NPEPL1: variants seen among roughly 807,000 people sequenced by gnomAD.
NPEPL1 encodes probable aminopeptidase NPEPL1.
Under a neutral mutation model 52.4 loss-of-function variants are expected in NPEPL1, and 45 were observed. The observed-to-expected ratio is 0.86, with a 90% CI of 0.68 to 1.10. NPEPL1 has a LOEUF of 1.10. Ranked by LOEUF, NPEPL1 falls within the 50% of genes least tolerant of loss-of-function variation. The pLI is 0.00. For missense variants in NPEPL1, 696 were observed against 710.9 expected, an observed-to-expected ratio of 0.98 and a Z score of 0.24; for synonymous variants, 360 against 314.7, an observed-to-expected ratio of 1.14 and a Z score of -1.52.
At chr20:58,703,542 T>C in intron 6 of NPEPL1, 3 of 985,212 alleles carry the variant, frequency 3.0e-6, no homozygotes, top group Non-Finnish European at 3.6e-6. Flanking sequence ...GACCCTCTTC[T>C]CCTTGGATCA....
intron 7 of NPEPL1, among the ~76,000 whole-genome samples, chr20:58,708,860 C>T (rs867300726): frequency 2.0e-5 from 3 of 151,896 alleles, no homozygotes; most frequent in East Asian, 1.9e-4. Context: ...TGGGGTGGCA[C>T]GGGGGCAGGG....
rs373304079 is a variant in NPEPL1, at chr20:58,697,577, G to A, written c.508-1107G>A. Among the ~76,000 whole-genome samples the A allele has an allele frequency of 9.8e-5, 15 of 152,360 alleles. No homozygotes were observed. The South Asian group carries it at 3.1e-3, about 32-fold the overall frequency. On this transcript the variant is annotated intron_variant, in intron 3 of 11. Transcript: ENST00000356091. ...GGCGCCTGCTGCCCTGACATTATGAGACTAGAGGCAGGGATGATAAACTTG... is the reference window on the plus strand; with the variant it reads ...GGCGCCTGCTGCCCTGACATTATGAAACTAGAGGCAGGGATGATAAACTTG...
intron 7 of NPEPL1, among the ~76,000 whole-genome samples, chr20:58,708,944 C>T (rs548855215): frequency 1.3e-5 from 2 of 152,250 alleles, no homozygotes; most frequent in Admixed American, 6.5e-5. Flanking sequence ...CCTGGTTACT[C>T]CTCCAACAGA....
intron 3 of NPEPL1, among the ~76,000 whole-genome samples, chr20:58,695,048 GTT>G: frequency 2.8e-5 from 1 of 35,288 alleles, no homozygotes; most frequent in Non-Finnish European, 6.1e-5. Flanking sequence ...TGCTGTGTAT[GTT>G]TGCTGGTGTG....
intron 3 of NPEPL1, 90 bp downstream of exon 3, chr20:58,694,682 G>A (rs1012697349): frequency 8.4e-6 from 11 of 1,312,056 alleles, no homozygotes; most frequent in East Asian, 8.0e-5. Context: ...AGCTTGTTGC[G>A]GGGGCAGGAG....
chr20:58,710,172 T>C lies in NPEPL1; in HGVS notation c.901-2307T>C, dbSNP rs532196422. Among the ~76,000 whole-genome samples, 3 of 151,682 alleles carry C rather than the reference T, an allele frequency of 2.0e-5. No homozygotes were observed. The East Asian group carries it at 5.8e-4, about 30-fold the overall frequency. On this transcript the variant is annotated intron_variant, in intron 7 of 11. Transcript: ENST00000356091. ...GCCTCAGCCTCCAGAGTAGCTGAGATTACAGGCATGTGCCACCACCCTTGG... is the reference window on the plus strand; with the variant it reads ...GCCTCAGCCTCCAGAGTAGCTGAGACTACAGGCATGTGCCACCACCCTTGG...
In NPEPL1 at chr20:58,713,988, G is replaced by C. The variant is rs1470951849; in HGVS notation, c.1197G>C (p.Lys399Asn). 1 of 1,524,356 alleles carries C rather than the reference G, an allele frequency of 6.6e-7. No individual in the cohort carries two copies. The highest frequency in any genetic ancestry group is 2.3e-5 in the Admixed American group (1 of 42,914). 94.4% of individuals were successfully genotyped at this position (1,524,356 alleles called of 1,614,324 possible). The change falls in exon 10 of 12, where the codon AAG becomes AAC. Residue 399 changes from lysine to asparagine, a missense_variant. Physicochemically the swap from Lys to Asn is moderately conservative, Grantham distance 94. Coordinates refer to ENST00000356091, the MANE Select transcript of NPEPL1 (RefSeq NM_024663.4). The surrounding 1 kb of genome is among the most constrained non-coding windows in gnomAD (Gnocchi z 4.6). ...NSAEWEAACV[K>N]AGRKCGDLVH... Reference sequence around the variant, plus strand: ...CTGAGTGGGAGGCCGCCTGTGTGAAGGCGGGCAGGAAGTGTGGGGACCTGG... The same window carrying C: ...CTGAGTGGGAGGCCGCCTGTGTGAACGCGGGCAGGAAGTGTGGGGACCTGG...
At chr20:58,695,214 A>T (rs377393167) in intron 3 of NPEPL1, among the ~76,000 whole-genome samples, 1 of 1,254 alleles carries the variant, frequency 8.0e-4, no homozygotes, top group African/African-American at 3.4e-3. Flanking sequence ...TGTGTGCATG[A>T]GCAGCATGTG....
chr20:58,715,129 C>T (rs369021460), intron 11 of NPEPL1, 39 bp from the exon 12 acceptor site: 1 of 1,566,002 alleles, frequency 6.4e-7, no homozygotes, highest in East Asian at 2.3e-5. Flanking sequence ...TGTGCTGCAG[C>T]CCCACGCCCA....
intron 6 of NPEPL1, among the ~76,000 whole-genome samples, chr20:58,705,106 A>G (rs765992847): frequency 3.9e-5 from 6 of 152,240 alleles, no homozygotes; most frequent in Non-Finnish European, 8.8e-5. Flanking sequence ...GTTTTTCAAA[A>G]TTCTGATTTT....
intron 6 of NPEPL1, among the ~76,000 whole-genome samples, chr20:58,702,547 A>G (rs2084653789): frequency 6.6e-6 from 1 of 152,158 alleles, no homozygotes; most frequent in African/African-American, 2.4e-5. Flanking sequence ...TTTTTTTTTA[A>G]TAGAAAAAAC....
At chr20:58,700,870 G>A in intron 5 of NPEPL1, 146 bp from the exon 6 acceptor site, 1 of 714,522 alleles carries the variant, frequency 1.4e-6, no homozygotes, top group Non-Finnish European at 2.1e-6. Context: ...CACTGGCCAG[G>A]GGCAGGAGAA....
At chr20:58,701,192 G>A in intron 6 of NPEPL1, 34 bp downstream of exon 6, 1 of 1,455,872 alleles carries the variant, frequency 6.9e-7, no homozygotes, top group Admixed American at 2.3e-5. Flanking sequence ...GGTGCCCTGG[G>A]GGAGGGGAGG....
In NPEPL1 at chr20:58,698,730, T is replaced by A. The variant is rs1203382467; in HGVS notation, c.554T>A (p.Val185Glu). Residue 185 changes from valine (V) to glutamate (E), a missense_variant, in exon 4 of 12, where the codon GTG becomes GAG. Coordinates refer to ENST00000356091, the MANE Select transcript of NPEPL1 (RefSeq NM_024663.4). ...GGCGTGCGGCTAGCAGCCCGCATCGTGGACACACCCTGCAATGAGATGAAC... is the reference window on the plus strand; with the variant it reads ...GGCGTGCGGCTAGCAGCCCGCATCGAGGACACACCCTGCAATGAGATGAAC... ...TDGVRLAARIVDTPCNEMNTD... is the reference protein window; with the variant it reads ...TDGVRLAARIEDTPCNEMNTD... 1 of 1,612,970 alleles carries A rather than the reference T, an allele frequency of 6.2e-7. No homozygotes were observed.
chr20:58,705,278 C>T (rs563307821), intron 6 of NPEPL1, among the ~76,000 whole-genome samples: 7 of 152,230 alleles, frequency 4.6e-5, no homozygotes, highest in African/African-American at 9.6e-5. Flanking sequence ...AAGATGGTGT[C>T]GTGGCCAGAG....
At chr20:58,699,422 G>T (rs2084564667) in intron 5 of NPEPL1, 144 bp downstream of exon 5, 1 of 668,436 alleles carries the variant, frequency 1.5e-6, no homozygotes. Context: ...CTGTGTCCAA[G>T]CCCAGTGCCG....
intron 5 of NPEPL1, 94 bp from the exon 6 acceptor site, chr20:58,700,922 G>GAAAC (rs2084601803): frequency 3.1e-6 from 4 of 1,297,952 alleles, no homozygotes; most frequent in Non-Finnish European, 4.0e-6. Flanking sequence ...CTCTCCAGGA[G>GAAAC]AAACACCAGC....
Position 58,713,394 on chromosome 20 carries a change from G to A in NPEPL1, c.1002-26G>A. ...CAGTGTCCCAGGAAATCCCGTCCCT[G>A]AGCGGGGATCTCTACCATGCCCCAG... On this transcript the variant is annotated intron_variant, in intron 8 of 11. Transcript: ENST00000356091. This position sits in a 1 kb window ranked among gnomAD's most constrained non-coding sequence, Gnocchi z 4.6. The A allele has an allele frequency of 1.3e-6, 2 of 1,574,542 alleles. No homozygotes were observed. Among genetic ancestry groups the A allele is most frequent in the Admixed American group, 1.8e-5 (1 of 56,002 alleles).
In NPEPL1 at chr20:58,698,691, C is replaced by T. The variant is rs372418804; in HGVS notation, c.515C>T (p.Ala172Val). 24 of 1,612,388 alleles carry T rather than the reference C, an allele frequency of 1.5e-5. No homozygotes were observed. The highest frequency in any genetic ancestry group is 6.7e-5 in the East Asian group (3 of 44,882). Residue 172 changes from alanine (A) to valine (V), a missense_variant, in exon 4 of 12, where the codon GCG becomes GTG. Physicochemically the swap from Ala to Val is moderately conservative, Grantham distance 64. Coordinates refer to ENST00000356091, the MANE Select transcript of NPEPL1 (RefSeq NM_024663.4). ...PVEVSTLQCL[A>V]NATDGVRLAA... is the part of the protein sequence containing the mutation. ...TGGCCTTTTTCTCCCTAGTGCTTAG[C>T]GAATGCCACAGACGGCGTGCGGCTA...
Sources: allele counts gnomAD v4.1 joint callset (sites outside exome capture counted in the v4.1 genomes callset), GRCh38; gene constraint gnomAD v4.1.1; non-coding constraint Gnocchi (gnomAD v3.1); transcripts MANE v1.5; gene names NCBI Gene and HGNC (gene_info 2026-07-23, HGNC 2026-07-21).